Variants in CSNK1G1 observed in about 807,000 individuals in gnomAD.
CSNK1G1 encodes casein kinase I isoform gamma-1.
Under a neutral mutation model 59.6 loss-of-function variants are expected in CSNK1G1, and 22 were observed. The ratio of observed to expected loss-of-function variants is 0.37; its 90% CI spans 0.26 to 0.53. CSNK1G1 has a LOEUF of 0.53. Among genes scored for constraint, CSNK1G1 ranks in the 20% least tolerant of loss-of-function variants. CSNK1G1 has a pLI of 0.89. For synonymous variants in CSNK1G1, 179 were observed against 177.1 expected, an observed-to-expected ratio of 1.01 and a Z score of -0.08; for missense variants, 384 against 519.5, an observed-to-expected ratio of 0.74 and a Z score of 2.54.
In CSNK1G1 at chr15:64,323,718, C is replaced by A. The variant is rs182354366; in HGVS notation, c.-224-22995G>T. 1.4e-3 allele frequency among the ~76,000 whole-genome samples: 210 copies of A among 152,262 alleles called. 1 individual carries two copies. The highest frequency in any genetic ancestry group is 0.013 in the Admixed American group (195 of 15,294). ...ACAATTTCACCCATCCAATTAAAAT[C>A]TTTAAAGTTATATTTACTCCCCTCC... On this transcript the variant is annotated intron_variant, in intron 1 of 11. Coordinates refer to ENST00000303052, the MANE Select transcript of CSNK1G1 (RefSeq NM_022048.5).
At position 64,214,117 on chromosome 15, in the gene CSNK1G1, C is replaced by A; in HGVS notation, c.452G>T (p.Arg151Leu). 6.2e-7 allele frequency: 1 copy of A among 1,609,672 alleles called. No homozygotes were observed. The highest frequency in any genetic ancestry group is 8.5e-7 in the Non-Finnish European group (1 of 1,176,134). ...VLMIAIQLLS[R>L]MEYVHSKNLI... ...GTTCTTTGAGTGCACGTATTCCATT[C>A]GAGAAAGCTGAAAGAGAAACAAATG... is the stretch of plus-strand genomic sequence containing the variant. Residue 151 changes from arginine (R) to leucine (L), a missense_variant, in exon 6 of 12, where the codon CGA becomes CTA. Coordinates refer to ENST00000303052, the MANE Select transcript of CSNK1G1 (RefSeq NM_022048.5). The surrounding 1 kb of genome is among the most constrained non-coding windows in gnomAD (Gnocchi z 4.3).
chr15:64,222,372 T>C lies in CSNK1G1; in HGVS notation c.293-5659A>G, dbSNP rs144974890. 9.4e-5 allele frequency among the ~76,000 whole-genome samples: 14 copies of C among 148,258 alleles called. No individual in the cohort carries two copies. In the East Asian group the frequency reaches 1.8e-3, roughly 19 times the overall value. On this transcript the variant is annotated intron_variant, in intron 4 of 11. Coordinates refer to ENST00000303052, the MANE Select transcript of CSNK1G1 (RefSeq NM_022048.5). ...GTACCTACGTAACAAACCTGCACAT[T>C]CTGCACATGTATCCCGTTTTTTTTC...
rs1344835355 is a variant in CSNK1G1, at chr15:64,203,063, A to G, written c.1107+19T>C. 1.3e-6 allele frequency: 2 copies of G among 1,571,034 alleles called. No individual in the cohort carries two copies. Among genetic ancestry groups the G allele is most frequent in the Admixed American group, 1.7e-5 (1 of 59,942 alleles). ...AAGAAGAAGGGTAGTGTCTGAAAGA[A>G]TGGAGGATCAACACATACCTGATTT... On this transcript the variant is annotated intron_variant, in intron 10 of 11. Transcript: ENST00000303052.
At chr15:64,204,698 T>G (rs1232857536) in intron 8 of CSNK1G1, 109 bp from the exon 9 acceptor site, 31 of 1,273,386 alleles carry the variant, frequency 2.4e-5, no homozygotes, top group Non-Finnish European at 3.2e-5. Flanking sequence ...AATTTGACAC[T>G]GATGTTTTCT....
chr15:64,216,802 T>A lies in CSNK1G1; in HGVS notation c.293-89A>T. 1 of 1,212,556 alleles carries A rather than the reference T, an allele frequency of 8.2e-7. No individual in the cohort carries two copies. The highest frequency in any genetic ancestry group is 2.5e-5 in the East Asian group (1 of 40,722). 75.1% of individuals were successfully genotyped at this position (1,212,556 alleles called of 1,614,324 possible). The stretch of plus-strand genomic sequence containing the variant: ...AGTATTAGCACTGAATAAAATATTT[T>A]TAAAAGTACAATTTGTGAGATTTCC... On this transcript the variant is annotated intron_variant, in intron 4 of 11. Coordinates refer to ENST00000303052, the MANE Select transcript of CSNK1G1 (RefSeq NM_022048.5). The surrounding 1 kb of genome is among the most constrained non-coding windows in gnomAD (Gnocchi z 4.6).
At chr15:64,174,606 T>C (rs1463033629) in intron 11 of CSNK1G1, among the ~76,000 whole-genome samples, 1 of 152,182 alleles carries the variant, frequency 6.6e-6, no homozygotes, top group African/African-American at 2.4e-5. Context: ...TCTTTGACTG[T>C]TTAGATGACA....
At chr15:64,256,111 A>G (rs960555197) in intron 3 of CSNK1G1, among the ~76,000 whole-genome samples, 1 of 152,200 alleles carries the variant, frequency 6.6e-6, no homozygotes, top group African/African-American at 2.4e-5. Flanking sequence ...CCAGGTATAG[A>G]ATTTTTCCAT....
In CSNK1G1 at chr15:64,170,151, G is replaced by A. The variant is rs1320895773; in HGVS notation, c.*1780C>T. On this transcript the variant is annotated 3_prime_UTR_variant, in exon 12 of 12. Transcript: ENST00000303052. ...TCTCTTCTGTCACCGCTGGAATGAG[G>A]AGTCATTGTTTGGTTAAGCCACTAA... is the stretch of plus-strand genomic sequence containing the variant. The A allele has an allele frequency of 1.3e-5, 2 of 152,206 alleles. No homozygotes were observed. The highest frequency in any genetic ancestry group is 2.9e-5 in the Non-Finnish European group (2 of 68,048). 9.4% of individuals were successfully genotyped at this position (152,206 alleles called of 1,614,324 possible).
Position 64,210,162 on chromosome 15 carries a change from G to A in CSNK1G1, c.680-2568C>T, listed in dbSNP as rs910231321. Among the ~76,000 whole-genome samples, 7 of 152,184 alleles carry A rather than the reference G, an allele frequency of 4.6e-5. No individual in the cohort carries two copies. The highest frequency in any genetic ancestry group is 1.7e-4 in the African/African-American group (7 of 41,526). On this transcript the variant is annotated intron_variant, in intron 6 of 11. Transcript: ENST00000303052. The surrounding 1 kb of genome is among the most constrained non-coding windows in gnomAD (Gnocchi z 4.2). The stretch of plus-strand genomic sequence containing the variant: ...ATAAGGGTACCTAAATCAGCTCAAC[G>A]ATTTAGGTATCTAGATCTTGGTTTA...
chr15:64,223,596 A>G (rs554334046), intron 4 of CSNK1G1, among the ~76,000 whole-genome samples: 5 of 152,354 alleles, frequency 3.3e-5, no homozygotes, highest in African/African-American at 9.6e-5. Flanking sequence ...AGAAACCTGG[A>G]AACTAAAGAA....
intron 2 of CSNK1G1, chr15:64,265,745 G>A: frequency 2.2e-6 from 1 of 445,802 alleles, no homozygotes; most frequent in Non-Finnish European, 4.5e-6. Flanking sequence ...ACCAACAAAA[G>A]AAACTGAAGA....
chr15:64,187,644 G>A (rs529413718), intron 10 of CSNK1G1, among the ~76,000 whole-genome samples: 6 of 152,276 alleles, frequency 3.9e-5, no homozygotes, highest in African/African-American at 1.4e-4. Context: ...ATTTCTACAT[G>A]TACAAACCTG....
intron 4 of CSNK1G1, among the ~76,000 whole-genome samples, chr15:64,235,699 G>C (rs2082605064): frequency 6.6e-6 from 1 of 152,218 alleles, no homozygotes; most frequent in African/African-American, 2.4e-5. Flanking sequence ...ACTCCTGAGT[G>C]GATAGTAACT....
intron 4 of CSNK1G1, among the ~76,000 whole-genome samples, chr15:64,242,382 A>AT (rs1362520522): frequency 6.6e-6 from 1 of 151,862 alleles, no homozygotes; most frequent in Non-Finnish European, 1.5e-5. Flanking sequence ...AGATCTGGTC[A>AT]TTTTTTCCCC....
rs77313419 is a variant in CSNK1G1, at chr15:64,211,772, C to G, written c.679+2118G>C. Among the ~76,000 whole-genome samples the G allele has an allele frequency of 8.3e-3, 1,264 of 152,240 alleles. 17 individuals are homozygous for G. The highest frequency in any genetic ancestry group is 0.029 in the African/African-American group (1,210 of 41,544). On this transcript the variant is annotated intron_variant, in intron 6 of 11. Transcript: ENST00000303052. Reference sequence around the variant, plus strand: ...ATTACATAGCTATTAAGAAAGAGCGCCAGGATTTGCATCCTTTTTCTTAAC... The same window carrying G: ...ATTACATAGCTATTAAGAAAGAGCGGCAGGATTTGCATCCTTTTTCTTAAC...
intron 2 of CSNK1G1, among the ~76,000 whole-genome samples, chr15:64,279,444 T>C (rs1171751537): frequency 1.3e-5 from 2 of 152,248 alleles, no homozygotes; most frequent in Non-Finnish European, 2.9e-5. Flanking sequence ...ATGCACTTTC[T>C]TGCATGCATT....
rs11852703 is a variant in CSNK1G1 at position 64,225,666 on chromosome 15, G to A, written c.293-8953C>T. Among the ~76,000 whole-genome samples the A allele has an allele frequency of 8.3e-3, 1,259 of 152,134 alleles. 17 individuals carry two copies. Among genetic ancestry groups the A allele is most frequent in the African/African-American group, 0.028 (1,178 of 41,508 alleles). ...TGTTGAACAGAGTTTCACTCGTGTCGCCCAGGCTGGAGTGCAATGGCGTGA... is the reference window on the plus strand; with the variant it reads ...TGTTGAACAGAGTTTCACTCGTGTCACCCAGGCTGGAGTGCAATGGCGTGA... On this transcript the variant is annotated intron_variant, in intron 4 of 11. Coordinates refer to ENST00000303052, the MANE Select transcript of CSNK1G1 (RefSeq NM_022048.5).
chr15:64,276,211 T>A (rs1302462780), intron 2 of CSNK1G1, among the ~76,000 whole-genome samples: 1 of 152,204 alleles, frequency 6.6e-6, no homozygotes, highest in Non-Finnish European at 1.5e-5. Context: ...CAAGGGCCTA[T>A]GCTTTACAAA....
chr15:64,272,432 T>C (rs1328481569), intron 2 of CSNK1G1, among the ~76,000 whole-genome samples: 8 of 152,108 alleles, frequency 5.3e-5, no homozygotes, highest in Non-Finnish European at 1.2e-4. Context: ...TTAGCCAGGA[T>C]GGTCTCAATC....
Sources: gnomAD v4.1 joint callset for allele counts (sites outside exome capture counted in the v4.1 genomes callset) on GRCh38, gnomAD v4.1.1 for gene constraint, Gnocchi (gnomAD v3.1) non-coding constraint, MANE v1.5 for transcripts, NCBI Gene and HGNC (gene_info 2026-07-23, HGNC 2026-07-21) for gene names.